TRIP4: variants seen among roughly 807,000 people sequenced by gnomAD.
TRIP4 encodes the protein thyroid hormone receptor interactor 4.
In TRIP4, 54 loss-of-function variants were observed where a neutral mutation model predicts 81.8. The observed-to-expected ratio is 0.66, with a 90% CI of 0.53 to 0.83. TRIP4 has a LOEUF of 0.83. TRIP4 is among the 40% of genes least tolerant of loss of function. The pLI is 0.00. For synonymous variants in TRIP4, 270 were observed against 242.8 expected (o/e 1.11, Z -1.04); for missense variants, 662 against 683.6 (o/e 0.97, Z 0.35).
intron 12 of TRIP4, among the ~76,000 whole-genome samples, chr15:64,452,002 A>G (rs537993853): frequency 5.3e-5 from 8 of 149,886 alleles, no homozygotes; most frequent in South Asian, 2.1e-4. Flanking sequence ...TCTGTTGCCC[A>G]TGCTGGAGTG....
intron 11 of TRIP4, among the ~76,000 whole-genome samples, chr15:64,438,440 C>A (rs1395858219): frequency 1.3e-5 from 2 of 152,228 alleles, no homozygotes; most frequent in Non-Finnish European, 2.9e-5. Context: ...CTGCCTCAGC[C>A]TCCCAAGTAG....
intron 11 of TRIP4, among the ~76,000 whole-genome samples, chr15:64,432,436 A>AAAC (rs60410160): frequency 2.0e-5 from 3 of 151,352 alleles, no homozygotes; most frequent in African/African-American, 7.3e-5. Context: ...CAGCTTGGTG[A>AAAC]CCATCTCTAC....
intron 5 of TRIP4, among the ~76,000 whole-genome samples, chr15:64,402,183 C>T (rs1891525328): frequency 6.6e-6 from 1 of 151,624 alleles, no homozygotes; most frequent in Admixed American, 6.6e-5. Flanking sequence ...ATTTTGCATG[C>T]CTTTTATGCT....
At chr15:64,419,717 T>C (rs543357217) in intron 9 of TRIP4, among the ~76,000 whole-genome samples, 1 of 152,296 alleles carries the variant, frequency 6.6e-6, no homozygotes, top group Admixed American at 6.5e-5. Context: ...ATTATCCATG[T>C]AAATGGAAAA....
intron 12 of TRIP4, among the ~76,000 whole-genome samples, chr15:64,449,092 G>A (rs1310618085): frequency 1.3e-5 from 2 of 151,938 alleles, no homozygotes; most frequent in East Asian, 3.9e-4. Context: ...TGTGCCTATA[G>A]TGCCAGCTAC....
intron 11 of TRIP4, among the ~76,000 whole-genome samples, chr15:64,431,179 CTT>C (rs2089456256): frequency 6.6e-6 from 1 of 152,040 alleles, no homozygotes. Flanking sequence ...CACAAATTCT[CTT>C]TTAAAATATG....
rs2140297502 is a variant in TRIP4 at position 64,418,735 on chromosome 15, A to G, written c.1358+7A>G. 6.2e-7 allele frequency: 1 copy of G among 1,601,474 alleles called. No homozygotes were observed. The highest frequency in any genetic ancestry group is 1.1e-5 in the South Asian group (1 of 89,498). On this transcript the variant is annotated splice_region_variant and intron_variant, in intron 9 of 12. Transcript: ENST00000261884. ...TTGTCAGAGGGATTAAAAGGTAAGA[A>G]TAAAAATGAATCTGGGCAGTGGAAG...
In TRIP4 at chr15:64,425,647, T is replaced by C; in HGVS notation, c.1575+16T>C. ...TAAGGAGCAGGTGAGTAAAGAATAC[T>C]TTTTTTTTTTAGAGACAGGGTTTCG... On this transcript the variant is annotated intron_variant, in intron 11 of 12. Coordinates refer to ENST00000261884, the MANE Select transcript of TRIP4 (RefSeq NM_016213.5). 1 of 685,918 alleles carries C rather than the reference T, an allele frequency of 1.5e-6. No individual in the cohort carries two copies. Among genetic ancestry groups the C allele is most frequent in the South Asian group, 3.3e-5 (1 of 30,478 alleles). The allele number at this position is 685,918 out of a possible 1,614,324, so 42.5% of individuals were successfully genotyped here.
Position 64,411,492 on chromosome 15 carries a change from C to T in TRIP4, c.1043+1664C>T, listed in dbSNP as rs151094324. Among the ~76,000 whole-genome samples, 84 of 152,074 alleles carry T rather than the reference C, an allele frequency of 5.5e-4. No individual in the cohort carries two copies. In the East Asian group the frequency reaches 0.014, roughly 25 times the overall value. ...CTGCTCTAAAAAATAAAGCCTAAGG[C>T]TGGGTGCGGTGGCTCACACCTGTAA... is the stretch of plus-strand genomic sequence containing the variant. On this transcript the variant is annotated intron_variant, in intron 7 of 12. Coordinates refer to ENST00000261884, the MANE Select transcript of TRIP4 (RefSeq NM_016213.5).
chr15:64,416,673 T>G lies in TRIP4; in HGVS notation c.1171-1868T>G, dbSNP rs572551943. Reference sequence around the variant, plus strand: ...TATTTAGTATGTAGTCAATTCTGCCTTATGTTTTGAATAGTTATTTATGTG... The same window carrying G: ...TATTTAGTATGTAGTCAATTCTGCCGTATGTTTTGAATAGTTATTTATGTG... On this transcript the variant is annotated intron_variant, in intron 8 of 12. Transcript: ENST00000261884. 6.6e-5 allele frequency among the ~76,000 whole-genome samples: 10 copies of G among 152,308 alleles called. No homozygotes were observed. The South Asian group carries it at 1.7e-3, about 25-fold the overall frequency.
At chr15:64,396,788 C>A (rs919079839) in intron 3 of TRIP4, among the ~76,000 whole-genome samples, 4 of 152,142 alleles carry the variant, frequency 2.6e-5, no homozygotes, top group African/African-American at 9.7e-5. Context: ...TAGTATATAT[C>A]TAGGAGTTGA....
intron 9 of TRIP4, among the ~76,000 whole-genome samples, chr15:64,423,324 G>A (rs1312161827): frequency 1.3e-5 from 2 of 151,988 alleles, no homozygotes; most frequent in African/African-American, 4.8e-5. Context: ...TTAGCTGGGT[G>A]TGGTGGCACG....
At chr15:64,436,763 CTTTTT>C (rs71133433) in intron 11 of TRIP4, among the ~76,000 whole-genome samples, 10 of 21,418 alleles carry the variant, frequency 4.7e-4, no homozygotes, top group Non-Finnish European at 6.6e-4. Context: ...CCATCTATGC[CTTTTT>C]TTTTTTTTTT....
At chr15:64,395,916 T>C (rs1314384167) in intron 3 of TRIP4, among the ~76,000 whole-genome samples, 1 of 149,032 alleles carries the variant, frequency 6.7e-6, no homozygotes, top group Non-Finnish European at 1.5e-5. Flanking sequence ...AATTTTCTTT[T>C]TTTTTTTTTT....
At chr15:64,408,007 G>A (rs2140290856) in intron 6 of TRIP4, among the ~76,000 whole-genome samples, 4 of 151,534 alleles carry the variant, frequency 2.6e-5, no homozygotes, top group African/African-American at 9.7e-5. Flanking sequence ...TGAGGTGGGA[G>A]TATTGATTGA....
intron 9 of TRIP4, among the ~76,000 whole-genome samples, chr15:64,420,309 C>T (rs1891983390): frequency 6.7e-6 from 1 of 150,316 alleles, no homozygotes; most frequent in South Asian, 2.1e-4. Context: ...TTAGTAGAGA[C>T]GAGGTTTCTC....
chr15:64,411,637 C>T (rs1400167471), intron 7 of TRIP4, among the ~76,000 whole-genome samples: 3 of 150,858 alleles, frequency 2.0e-5, no homozygotes, highest in Non-Finnish European at 4.4e-5. Context: ...AATACATAAA[C>T]AAAAAAGTTA....
intron 1 of TRIP4, among the ~76,000 whole-genome samples, chr15:64,388,451 C>T (rs1254996322): frequency 4.6e-5 from 7 of 152,140 alleles, no homozygotes. Context: ...GGATTACAGG[C>T]ACGCACCACC....
chr15:64,388,183 G>A, intron 1 of TRIP4: 1 of 733,860 alleles, frequency 1.4e-6, no homozygotes, highest in Non-Finnish European at 1.9e-6. Flanking sequence ...TTTTTCCTGG[G>A]AAGACGCCCA....
Sources: gnomAD v4.1 joint callset for allele counts (sites outside exome capture counted in the v4.1 genomes callset) on GRCh38, gnomAD v4.1.1 for gene constraint, MANE v1.5 for transcripts, NCBI Gene and HGNC (gene_info 2026-07-23, HGNC 2026-07-21) for gene names.